The following LARP4 variants were observed in gnomAD, a reference collection of about 807,000 sequenced individuals.
LARP4 encodes la-related protein 4.
Under a neutral mutation model 92.9 loss-of-function variants are expected in LARP4, and 29 were observed. The ratio of observed to expected loss-of-function variants is 0.31; its 90% CI spans 0.23 to 0.43. The LOEUF is 0.43. Among genes scored for constraint, LARP4 ranks in the 20% least tolerant of loss-of-function variants. The pLI, the probability that LARP4 is intolerant of heterozygous loss-of-function variation, is 1.00. For synonymous variants in LARP4, 279 were observed against 284.1 expected (o/e 0.98, Z 0.18); for missense variants, 732 against 860.0 (o/e 0.85, Z 1.86).
chr12:50,454,204 TA>T (rs1392021772), intron 9 of LARP4, 109 bp from the exon 10 acceptor site: 7 of 666,988 alleles, frequency 1.0e-5, no homozygotes, highest in Non-Finnish European at 1.8e-5. Flanking sequence ...TATTTTAAGA[TA>T]TTTTTGGCTT....
intron 3 of LARP4, among the ~76,000 whole-genome samples, chr12:50,429,702 G>C (rs61926227): frequency 0.027 from 4,138 of 152,274 alleles, 103 homozygotes; most frequent in Non-Finnish European, 0.041. Context: ...GCAGTGGCGT[G>C]ATCTTGGCTC....
chr12:50,444,694 G>A (rs530769144), intron 8 of LARP4, among the ~76,000 whole-genome samples: 41 of 152,230 alleles, frequency 2.7e-4, no homozygotes, highest in African/African-American at 9.4e-4. Flanking sequence ...GACGTTGGAG[G>A]AAAGGGACAT....
intron 1 of LARP4, among the ~76,000 whole-genome samples, chr12:50,426,720 T>TGTGTGTGTGTGTGTGTGTGTGTGTGTGG (rs1948809531): frequency 7.2e-6 from 1 of 139,288 alleles, no homozygotes; most frequent in Non-Finnish European, 1.5e-5. Context: ...TGTGTGTGTG[T>TGTGTGTGTGTGTGTGTGTGTGTGTGTGG]GTGTGTGTGT....
chr12:50,400,956 TGTGAGCCA>T lies in LARP4; in HGVS notation c.-52_-45del, dbSNP rs1943695723. On this transcript the variant is annotated 5_prime_UTR_variant, in exon 1 of 16. Transcript: ENST00000398473. Reference sequence around the variant, plus strand: ...TATCCTAGCAATTGGGGCGCGGGCCTGTGAGCCAGTTGGAGTTGCGGCGGCGGGAACGA... The same window carrying T: ...TATCCTAGCAATTGGGGCGCGGGCCTGTTGGAGTTGCGGCGGCGGGAACGA... The T allele has an allele frequency of 4.3e-6, 7 of 1,613,544 alleles. No individual in the cohort carries two copies. In the Admixed American group the frequency reaches 1.2e-4, roughly 27 times the overall value.
chr12:50,450,218 C>T (rs1018864096), intron 8 of LARP4, among the ~76,000 whole-genome samples: 14 of 151,998 alleles, frequency 9.2e-5, no homozygotes, highest in Admixed American at 6.6e-4. Flanking sequence ...GCGTGAGCCA[C>T]CCTGCCTGGC....
chr12:50,472,159 A>G (rs1957003435), intron 13 of LARP4, among the ~76,000 whole-genome samples: 1 of 152,110 alleles, frequency 6.6e-6, no homozygotes, highest in South Asian at 2.1e-4. Flanking sequence ...GCTCTTTTCT[A>G]AATTCTATGC....
intron 1 of LARP4, chr12:50,415,888 G>C (rs1946695528): frequency 6.6e-6 from 1 of 151,050 alleles, no homozygotes. Flanking sequence ...TTTTTTTTTG[G>C]TAGTGATGGA....
At chr12:50,469,697 T>C (rs1056733037) in intron 13 of LARP4, among the ~76,000 whole-genome samples, 1 of 148,378 alleles carries the variant, frequency 6.7e-6, no homozygotes, top group Admixed American at 6.8e-5. Flanking sequence ...GATCATGAGG[T>C]CAGGAGTTTG....
chr12:50,434,587 A>G (rs1593054793), intron 4 of LARP4, among the ~76,000 whole-genome samples: 1 of 150,954 alleles, frequency 6.6e-6, no homozygotes, highest in East Asian at 2.0e-4. Context: ...TTGTATTTTT[A>G]GTAGAGACGG....
Position 50,453,593 on chromosome 12 carries a change from C to T in LARP4, c.938C>T (p.Pro313Leu). Residue 313 changes from proline to leucine, a missense_variant, in exon 9 of 16, where the codon CCT (proline) becomes CTT (leucine). Pro to Leu is a moderately conservative substitution (Grantham distance 98). This residue lies in a region of LARP4 where 264 missense variants were observed against 269.5 expected (regional missense o/e 0.98). Coordinates refer to ENST00000398473, the MANE Select transcript of LARP4 (RefSeq NM_052879.5). ...GTCTTTATGCAGCCTGTATATAATC[C>T]TCACCAACAGTACTCGGTCTATAGT... ...SPVFMQPVYN[P>L]HQQYSVYSIV... is the part of the protein sequence containing the mutation. 3 of 1,613,714 alleles carry T rather than the reference C, an allele frequency of 1.9e-6. No individual in the cohort carries two copies. The highest frequency in any genetic ancestry group is 2.5e-6 in the Non-Finnish European group (3 of 1,179,738).
intron 11 of LARP4, among the ~76,000 whole-genome samples, chr12:50,461,726 G>T (rs2138689876): frequency 6.6e-6 from 1 of 152,146 alleles, no homozygotes; most frequent in East Asian, 1.9e-4. Flanking sequence ...GGAGGCCGTG[G>T]TGGGAGGATC....
chr12:50,419,007 A>G (rs1274175396), intron 1 of LARP4, among the ~76,000 whole-genome samples: 1 of 152,146 alleles, frequency 6.6e-6, no homozygotes, highest in Non-Finnish European at 1.5e-5. Context: ...AGGTGTATAT[A>G]TAAAGTTTTT....
chr12:50,410,205 T>TG (rs1945611888), intron 1 of LARP4, among the ~76,000 whole-genome samples: 1 of 152,104 alleles, frequency 6.6e-6, no homozygotes, highest in East Asian at 1.9e-4. Context: ...ATTGAAGTAA[T>TG]GGCTTAGTAT....
intron 12 of LARP4, among the ~76,000 whole-genome samples, chr12:50,466,648 G>A (rs1184820753): frequency 6.6e-5 from 10 of 152,074 alleles, no homozygotes; most frequent in Admixed American, 2.0e-4. Flanking sequence ...TTTAGGTAAA[G>A]TGGGTGTTTT....
At chr12:50,426,509 G>A (rs1307017960) in intron 1 of LARP4, among the ~76,000 whole-genome samples, 1 of 151,968 alleles carries the variant, frequency 6.6e-6, no homozygotes, top group Non-Finnish European at 1.5e-5. Flanking sequence ...TTTCTGTAGA[G>A]AATTTTGAAA....
chr12:50,468,790 GAA>G (rs944964700), intron 13 of LARP4, among the ~76,000 whole-genome samples: 3 of 152,034 alleles, frequency 2.0e-5, no homozygotes, highest in African/African-American at 7.2e-5. Flanking sequence ...ATATCTCTAA[GAA>G]AGTAAAAGAT....
At chr12:50,448,672 C>T (rs1321670330) in intron 8 of LARP4, among the ~76,000 whole-genome samples, 1 of 151,804 alleles carries the variant, frequency 6.6e-6, no homozygotes, top group Non-Finnish European at 1.5e-5. Context: ...TTACAGGCAC[C>T]CACCACCACG....
chr12:50,445,977 AT>A (rs1382289013), intron 8 of LARP4, among the ~76,000 whole-genome samples: 2 of 131,978 alleles, frequency 1.5e-5, no homozygotes, highest in Admixed American at 7.3e-5. Flanking sequence ...TATTTCTTTC[AT>A]TGCCGTTTTC....
At chr12:50,442,485 C>A (rs964862675) in intron 8 of LARP4, among the ~76,000 whole-genome samples, 2 of 152,170 alleles carry the variant, frequency 1.3e-5, no homozygotes, top group African/African-American at 4.8e-5. Flanking sequence ...AGTTTTTCCC[C>A]CCCTTAACAA....
Sources: gnomAD v4.1 joint callset for allele counts (sites outside exome capture counted in the v4.1 genomes callset) on GRCh38, gnomAD v4.1.1 for gene constraint, gnomAD v4.1.1 regional missense constraint, MANE v1.5 for transcripts, NCBI Gene and HGNC (gene_info 2026-07-23, HGNC 2026-07-21) for gene names.